Variants in SUCLG2 observed in about 807,000 individuals in gnomAD.
SUCLG2 encodes succinate--CoA ligase [GDP-forming] subunit beta, mitochondrial.
A neutral mutation model predicts 47.9 loss-of-function variants in SUCLG2; 42 were observed. The ratio of observed to expected loss-of-function variants is 0.88; its 90% confidence interval spans 0.69 to 1.14. The LOEUF is 1.14. SUCLG2 is among the 50% of genes most tolerant of loss of function. SUCLG2 has a pLI of 0.00. For missense variants in SUCLG2, 571 were observed against 525.9 expected (o/e 1.09, Z -0.84); for synonymous variants, 195 against 197.3 (o/e 0.99, Z 0.10).
chr3:67,601,289 T>C (rs1025232392), intron 2 of SUCLG2, among the ~76,000 whole-genome samples: 20 of 152,352 alleles, frequency 1.3e-4, no homozygotes, highest in African/African-American at 4.6e-4. Flanking sequence ...TAGCACAGGC[T>C]TCCTCTAAGT....
intron 9 of SUCLG2, among the ~76,000 whole-genome samples, chr3:67,422,472 T>TAAAAAAAAAAAAAAAAAAA (rs1559520249): frequency 4.1e-4 from 5 of 12,342 alleles, no homozygotes; most frequent in African/African-American, 1.9e-3. Context: ...AGACTCCATC[T>TAAAAAAAAAAAAAAAAAAA]CAAAAAAAAA....
intron 1 of SUCLG2, among the ~76,000 whole-genome samples, chr3:67,623,343 A>C (rs1700767570): frequency 6.6e-6 from 1 of 152,112 alleles, no homozygotes; most frequent in Non-Finnish European, 1.5e-5. Context: ...TACTAAAAAT[A>C]CAAAAAAATT....
chr3:67,376,495 G>C, intron 10 of SUCLG2: 2 of 984,350 alleles, frequency 2.0e-6, no homozygotes, highest in Non-Finnish European at 2.4e-6. Flanking sequence ...CCATTTTAGA[G>C]TGAACAACTC....
intron 1 of SUCLG2, among the ~76,000 whole-genome samples, chr3:67,612,355 T>G (rs1700542683): frequency 8.5e-6 from 1 of 117,608 alleles, no homozygotes; most frequent in African/African-American, 3.8e-5. Flanking sequence ...TGAGACTCAG[T>G]CTCAAAAAAC....
intron 2 of SUCLG2, among the ~76,000 whole-genome samples, chr3:67,532,940 A>C (rs1434324478): frequency 6.6e-6 from 1 of 152,204 alleles, no homozygotes. Context: ...CACATGCTAG[A>C]TAATAAACAT....
At chr3:67,484,072 C>T (rs922566982) in intron 9 of SUCLG2, among the ~76,000 whole-genome samples, 1 of 152,168 alleles carries the variant, frequency 6.6e-6, no homozygotes, top group East Asian at 1.9e-4. Context: ...TGTGCTCTGG[C>T]TATCTTCTAA....
chr3:67,384,621 G>C (rs1212759164), intron 10 of SUCLG2, among the ~76,000 whole-genome samples: 1 of 152,144 alleles, frequency 6.6e-6, no homozygotes, highest in African/African-American at 2.4e-5. Flanking sequence ...ATCTTCATCT[G>C]GTGTTTCCCA....
intron 10 of SUCLG2, among the ~76,000 whole-genome samples, chr3:67,388,301 CAA>C (rs1027452579): frequency 6.6e-6 from 1 of 152,166 alleles, no homozygotes; most frequent in Non-Finnish European, 1.5e-5. Context: ...GGATCTTTAT[CAA>C]GAGAGAAAAA....
intron 9 of SUCLG2, among the ~76,000 whole-genome samples, chr3:67,470,761 A>G (rs778458789): frequency 6.6e-6 from 1 of 152,224 alleles, no homozygotes; most frequent in African/African-American, 2.4e-5. Context: ...TTTTCTTTAT[A>G]AACTACACAG....
intron 9 of SUCLG2, among the ~76,000 whole-genome samples, chr3:67,431,749 G>A (rs1037651838): frequency 6.6e-6 from 1 of 151,132 alleles, no homozygotes; most frequent in Non-Finnish European, 1.5e-5. Flanking sequence ...GGGGTGGCGG[G>A]AGGGGGGAGG....
intron 2 of SUCLG2, among the ~76,000 whole-genome samples, chr3:67,600,989 C>T (rs1359696272): frequency 6.6e-6 from 1 of 152,108 alleles, no homozygotes; most frequent in Non-Finnish European, 1.5e-5. Flanking sequence ...TATGCCAATA[C>T]AGAGAAAAAC....
intron 9 of SUCLG2, among the ~76,000 whole-genome samples, chr3:67,469,773 C>T (rs1332058629): frequency 6.6e-6 from 1 of 151,216 alleles, no homozygotes; most frequent in Non-Finnish European, 1.5e-5. Flanking sequence ...GGCCCGGGCA[C>T]GGTGGCTCAC....
chr3:67,536,704 A>G (rs955344670), intron 2 of SUCLG2, among the ~76,000 whole-genome samples: 5 of 152,220 alleles, frequency 3.3e-5, no homozygotes, highest in African/African-American at 1.2e-4. Context: ...TCCCTCTCAC[A>G]GACTCCTGAG....
rs1215087026 is a variant in SUCLG2, at chr3:67,625,973, T to C, written c.85-16377A>G. On this transcript the variant is annotated intron_variant, in intron 1 of 10. Coordinates refer to ENST00000307227, the MANE Select transcript of SUCLG2 (RefSeq NM_003848.4). Reference sequence around the variant, plus strand: ...GTAGGATCCCACAGTCAAAAGAGCATAGGACAGGGTTGTACCCAAAGTAGG... The same window carrying C: ...GTAGGATCCCACAGTCAAAAGAGCACAGGACAGGGTTGTACCCAAAGTAGG... Among the ~76,000 whole-genome samples, 7 of 151,700 alleles carry C rather than the reference T, an allele frequency of 4.6e-5. 1 individual carries two copies. In the East Asian group the frequency reaches 1.4e-3, roughly 29 times the overall value.
chr3:67,360,475 A>G, exon 11 of SUCLG2: 1 of 721,852 alleles, frequency 1.4e-6, no homozygotes, highest in Non-Finnish European at 2.1e-6. Context: ...ACAATTCTAA[A>G]ATATTTTTGG....
intron 10 of SUCLG2, among the ~76,000 whole-genome samples, chr3:67,393,042 C>A (rs552333029): frequency 6.6e-6 from 1 of 152,164 alleles, no homozygotes; most frequent in Non-Finnish European, 1.5e-5. Flanking sequence ...GGAAGGCAGC[C>A]AAGATGGCCG....
At chr3:67,409,675 C>A (rs147860118) in intron 9 of SUCLG2, among the ~76,000 whole-genome samples, 5 of 152,016 alleles carry the variant, frequency 3.3e-5, no homozygotes, top group African/African-American at 1.2e-4. Context: ...CCTTTAATAA[C>A]TTTTACAAAG....
At chr3:67,422,171 A>G (rs753479849) in intron 9 of SUCLG2, among the ~76,000 whole-genome samples, 8 of 152,152 alleles carry the variant, frequency 5.3e-5, no homozygotes, top group Non-Finnish European at 1.2e-4. Flanking sequence ...ATGACAGGGA[A>G]GTTTAAAAAA....
intron 7 of SUCLG2, among the ~76,000 whole-genome samples, chr3:67,505,504 T>C (rs186629561): frequency 9.5e-4 from 145 of 152,340 alleles, no homozygotes; most frequent in African/African-American, 3.3e-3. Context: ...TCTTTCTCCG[T>C]GTCAAAAATT....
Sources: allele counts gnomAD v4.1 joint callset (sites outside exome capture counted in the v4.1 genomes callset), GRCh38; gene constraint gnomAD v4.1.1; transcripts MANE v1.5; gene names NCBI Gene and HGNC (gene_info 2026-07-23, HGNC 2026-07-21).